The following NEDD9 variants were observed in gnomAD, a reference collection of about 807,000 sequenced individuals.
NEDD9 encodes enhancer of filamentation 1.
A neutral mutation model predicts 76.6 loss-of-function variants in NEDD9; 26 were observed. That is an observed-to-expected ratio of 0.34 (90% confidence interval 0.25 to 0.47). NEDD9 has a LOEUF of 0.47. Ranked by LOEUF, NEDD9 falls within the 20% of genes least tolerant of loss-of-function variation. NEDD9 has a pLI of 1.00. For missense variants in NEDD9, 937 were observed against 1,058.5 expected (o/e 0.89, Z 1.59); for synonymous variants, 392 against 414.2 (o/e 0.95, Z 0.65).
intron 1 of NEDD9, among the ~76,000 whole-genome samples, chr6:11,358,474 C>T (rs551375876): frequency 6.6e-6 from 1 of 152,182 alleles, no homozygotes. Flanking sequence ...TCAGAAAACA[C>T]CTCCAAACCT....
intron 1 of NEDD9, among the ~76,000 whole-genome samples, chr6:11,217,181 G>C (rs1293872761): frequency 6.6e-6 from 1 of 152,218 alleles, no homozygotes; most frequent in South Asian, 2.1e-4. Flanking sequence ...ACAGCCAAAT[G>C]AATTTCAGCT....
upstream of NEDD9, chr6:11,233,211 T>A: frequency 1.9e-6 from 1 of 518,964 alleles, no homozygotes; most frequent in Non-Finnish European, 3.8e-6. Context: ...TGTGACTGTT[T>A]GCTTTTTTTG....
intron 1 of NEDD9, among the ~76,000 whole-genome samples, chr6:11,225,192 G>A (rs543955905): frequency 6.6e-6 from 1 of 152,194 alleles, no homozygotes; most frequent in South Asian, 2.1e-4. Flanking sequence ...TGCTTGAAAT[G>A]GTTTCACTTT....
chr6:11,199,821 C>CCGCCA (rs898218423), intron 2 of NEDD9: 1 of 152,734 alleles, frequency 6.5e-6, no homozygotes, highest in Non-Finnish European at 1.5e-5. Flanking sequence ...CCCACTGCGC[C>CCGCCA]CGCCACCGTG....
rs531920704 is a variant in NEDD9 at position 11,195,887 on chromosome 6, G to A, written c.460-2195C>T. Reference sequence around the variant, plus strand: ...CATGTGCCTGTAATCCCAGCTACTCGGGAGGCTGAGGCAGGAGAATCACTT... The same window carrying A: ...CATGTGCCTGTAATCCCAGCTACTCAGGAGGCTGAGGCAGGAGAATCACTT... On this transcript the variant is annotated intron_variant, in intron 2 of 6. Coordinates refer to ENST00000379446, the MANE Select transcript of NEDD9 (RefSeq NM_006403.4). Among the ~76,000 whole-genome samples the A allele has an allele frequency of 5.9e-5, 9 of 152,274 alleles. No individual in the cohort carries two copies. The South Asian group carries it at 1.0e-3, about 18-fold the overall frequency.
chr6:11,319,831 TACAC>T (rs1761743180), intron 2 of NEDD9, among the ~76,000 whole-genome samples: 1 of 149,552 alleles, frequency 6.7e-6, no homozygotes, highest in African/African-American at 2.5e-5. Flanking sequence ...AACAAGCAAA[TACAC>T]TCACGCACTC....
At chr6:11,257,775 C>CTGTGTG (rs3067253) in intron 3 of NEDD9, among the ~76,000 whole-genome samples, 3,955 of 143,014 alleles carry the variant, frequency 0.028, 146 homozygotes, top group East Asian at 0.18. Flanking sequence ...AATGTAGATT[C>CTGTGTG]TGTGTGTGTG....
intron 2 of NEDD9, among the ~76,000 whole-genome samples, chr6:11,322,980 C>G (rs1333811935): frequency 6.6e-6 from 1 of 152,234 alleles, no homozygotes; most frequent in African/African-American, 2.4e-5. Context: ...GGAGTCAATA[C>G]TACTTTATAG....
Position 11,185,080 on chromosome 6 carries a change from G to T in NEDD9, c.*82C>A. The T allele has an allele frequency of 7.0e-7, 1 of 1,421,014 alleles. No individual in the cohort carries two copies. The highest frequency in any genetic ancestry group is 2.3e-5 in the East Asian group (1 of 43,074). The allele number at this position is 1,421,014 out of a possible 1,614,324, so 88.0% of individuals were successfully genotyped here. ...TTTATATAAAATATCTACAAAAATA[G>T]ATAACATTTACAAAAACCAGACAGT... On this transcript the variant is annotated 3_prime_UTR_variant, in exon 7 of 7. Transcript: ENST00000379446.
rs35887409 is a variant in NEDD9, at chr6:11,221,382, T to TAA, written c.13-7657_13-7656dup. Among the ~76,000 whole-genome samples, 335 of 129,828 alleles carry TAA rather than the reference T, an allele frequency of 2.6e-3. 2 individuals are homozygous for TAA. The highest frequency in any genetic ancestry group is 0.013 in the South Asian group (54 of 4,170). The allele number at this position is 129,828 out of a possible 152,430, so 85.2% of individuals were successfully genotyped here. A position where few individuals can be genotyped will look rare whatever the true frequency, so the allele number is the denominator to read the frequency against. ...TGGGTGACAGAGCGAGACTCTGTCA[T>TAA]AAAAAAAAAAAAAGAAAAAGAAAAA... is the stretch of plus-strand genomic sequence containing the variant. On this transcript the variant is annotated intron_variant, in intron 1 of 6. Transcript: ENST00000379446.
intron 2 of NEDD9, among the ~76,000 whole-genome samples, chr6:11,333,055 G>GAAGGAAAA (rs1290196744): frequency 2.7e-5 from 1 of 36,416 alleles, no homozygotes; most frequent in Non-Finnish European, 4.3e-5. Context: ...AGGAAGGAAG[G>GAAGGAAAA]AAGGAAGGGA....
chr6:11,324,741 A>G (rs1177648331), intron 2 of NEDD9, among the ~76,000 whole-genome samples: 1 of 146,620 alleles, frequency 6.8e-6, no homozygotes, highest in Non-Finnish European at 1.5e-5. Context: ...TGAAGCTTCT[A>G]AGTGACTCCC....
chr6:11,206,687 C>T (rs777214953), intron 2 of NEDD9, among the ~76,000 whole-genome samples: 17 of 152,144 alleles, frequency 1.1e-4, no homozygotes, highest in Non-Finnish European at 1.6e-4. Context: ...AAATTTAGAA[C>T]GAAGTGCAAC....
intron 3 of NEDD9, among the ~76,000 whole-genome samples, chr6:11,269,850 G>A (rs191195097): frequency 1.3e-3 from 194 of 152,242 alleles, no homozygotes; most frequent in Admixed American, 5.4e-3. Context: ...ACTCTTGGGC[G>A]GATGCGGTGG....
intron 1 of NEDD9, among the ~76,000 whole-genome samples, chr6:11,344,206 G>T (rs534731798): frequency 1.3e-5 from 2 of 152,250 alleles, no homozygotes; most frequent in Non-Finnish European, 2.9e-5. Flanking sequence ...AAGAATATGT[G>T]ATAGACATAA....
At chr6:11,228,662 G>C (rs530824317) in intron 1 of NEDD9, among the ~76,000 whole-genome samples, 49 of 152,278 alleles carry the variant, frequency 3.2e-4, no homozygotes, top group African/African-American at 1.1e-3. Context: ...GATGCTAAAG[G>C]AATCCTTGGC....
At chr6:11,355,911 C>A (rs185395252) in intron 1 of NEDD9, among the ~76,000 whole-genome samples, 1 of 151,830 alleles carries the variant, frequency 6.6e-6, no homozygotes, top group Non-Finnish European at 1.5e-5. Flanking sequence ...TTAGTAGAGA[C>A]GGGGTTTCAC....
At chr6:11,209,151 G>A (rs1015525517) in intron 2 of NEDD9, among the ~76,000 whole-genome samples, 1 of 152,154 alleles carries the variant, frequency 6.6e-6, no homozygotes, top group African/African-American at 2.4e-5. Context: ...GGGCAGACAT[G>A]ATATGGTTTC....
At chr6:11,281,139 G>A (rs933117502) in intron 3 of NEDD9, among the ~76,000 whole-genome samples, 7 of 152,226 alleles carry the variant, frequency 4.6e-5, no homozygotes, top group East Asian at 1.9e-4. Flanking sequence ...GGCATGTTTA[G>A]AATGCCCAAA....
Sources: allele counts gnomAD v4.1 joint callset (sites outside exome capture counted in the v4.1 genomes callset), GRCh38; gene constraint gnomAD v4.1.1; transcripts MANE v1.5; gene names NCBI Gene and HGNC (gene_info 2026-07-23, HGNC 2026-07-21).